Variants in GOLM2 observed in about 807,000 individuals in gnomAD.
GOLM2 encodes protein GOLM2.
A neutral mutation model predicts 55.9 loss-of-function variants in GOLM2; 26 were observed. The ratio of observed to expected loss-of-function variants is 0.47; its 90% CI spans 0.34 to 0.65. The LOEUF (loss-of-function observed/expected upper bound fraction) is 0.65. GOLM2 is among the 30% of genes least tolerant of loss of function. The pLI is 0.01. For synonymous variants in GOLM2, 165 were observed against 194.6 expected, an observed-to-expected ratio of 0.85 and a Z score of 1.27; for missense variants, 486 against 531.8, an observed-to-expected ratio of 0.91 and a Z score of 0.85.
chr15:44,290,143 A>C (rs1252478032), intron 1 of GOLM2, among the ~76,000 whole-genome samples: 1 of 152,244 alleles, frequency 6.6e-6, no homozygotes, highest in Non-Finnish European at 1.5e-5. Flanking sequence ...GGAAAACTAT[A>C]CAAAGTTTTA....
At chr15:44,352,668 T>G (rs1368883440) in intron 6 of GOLM2, among the ~76,000 whole-genome samples, 1 of 151,790 alleles carries the variant, frequency 6.6e-6, no homozygotes, top group African/African-American at 2.4e-5. Context: ...TCCTAGTACT[T>G]TGGGAGGCCG....
chr15:44,397,255 C>G (rs1019470221), intron 8 of GOLM2, among the ~76,000 whole-genome samples: 1 of 151,712 alleles, frequency 6.6e-6, no homozygotes, highest in African/African-American at 2.4e-5. Flanking sequence ...CGAGGCAGGC[C>G]GATCACGAGG....
chr15:44,402,082 G>C, intron 8 of GOLM2, among the ~76,000 whole-genome samples: 1 of 151,772 alleles, frequency 6.6e-6, no homozygotes, highest in South Asian at 2.1e-4. Context: ...TGCCCACCTC[G>C]GCCTCCCAAA....
chr15:44,362,044 C>T lies in GOLM2; in HGVS notation c.803-17646C>T, dbSNP rs540779289. Among the ~76,000 whole-genome samples the T allele has an allele frequency of 2.2e-4, 34 of 152,208 alleles. No homozygotes were observed. The South Asian group carries it at 7.1e-3, about 32-fold the overall frequency. Reference sequence around the variant, plus strand: ...AATTAGGTATTGATGGAACATATCTCAAAATAATAAGAGCTATCTATGACA... The same window carrying T: ...AATTAGGTATTGATGGAACATATCTTAAAATAATAAGAGCTATCTATGACA... On this transcript the variant is annotated intron_variant, in intron 6 of 9. Coordinates refer to ENST00000299957, the MANE Select transcript of GOLM2 (RefSeq NM_138423.4).
chr15:44,329,652 C>G (rs537974340), intron 3 of GOLM2, among the ~76,000 whole-genome samples: 6 of 152,194 alleles, frequency 3.9e-5, no homozygotes, highest in Non-Finnish European at 8.8e-5. Context: ...AATCCTAACA[C>G]TTTGGGAGGC....
At chr15:44,373,754 G>GA (rs1166431256) in intron 6 of GOLM2, among the ~76,000 whole-genome samples, 2 of 152,068 alleles carry the variant, frequency 1.3e-5, no homozygotes, top group South Asian at 2.1e-4. Context: ...ACTCCATCTT[G>GA]AAAAAACAAA....
intron 6 of GOLM2, among the ~76,000 whole-genome samples, chr15:44,364,877 A>G (rs917368111): frequency 5.9e-5 from 9 of 152,168 alleles, no homozygotes; most frequent in African/African-American, 1.9e-4. Flanking sequence ...GTTCCAGCAC[A>G]CTGAAAACAC....
chr15:44,328,288 TG>T (rs2078998276), intron 2 of GOLM2, among the ~76,000 whole-genome samples: 1 of 152,184 alleles, frequency 6.6e-6, no homozygotes, highest in African/African-American at 2.4e-5. Flanking sequence ...GAGACCAGCC[TG>T]GGCAACATGG....
intron 6 of GOLM2, among the ~76,000 whole-genome samples, chr15:44,354,371 G>A (rs1478397064): frequency 1.3e-5 from 2 of 151,522 alleles, no homozygotes; most frequent in African/African-American, 4.9e-5. Flanking sequence ...AATGGGTGCA[G>A]CACACCAACA....
At chr15:44,331,398 T>G (rs2079021411) in intron 3 of GOLM2, among the ~76,000 whole-genome samples, 2 of 152,226 alleles carry the variant, frequency 1.3e-5, no homozygotes, top group African/African-American at 4.8e-5. Flanking sequence ...TCTTTTTGCA[T>G]GATTGGTGTA....
chr15:44,352,489 C>T (rs1020023329), intron 6 of GOLM2, among the ~76,000 whole-genome samples: 1 of 152,216 alleles, frequency 6.6e-6, no homozygotes, highest in Admixed American at 6.5e-5. Flanking sequence ...TGGGGAAACT[C>T]CCTGGGACAT....
At chr15:44,364,087 A>G (rs1235165181) in intron 6 of GOLM2, among the ~76,000 whole-genome samples, 1 of 152,104 alleles carries the variant, frequency 6.6e-6, no homozygotes, top group Non-Finnish European at 1.5e-5. Flanking sequence ...AGATATACCT[A>G]ATGCTAGTTG....
intron 6 of GOLM2, among the ~76,000 whole-genome samples, chr15:44,346,464 T>G (rs947992143): frequency 2.8e-4 from 43 of 152,336 alleles, no homozygotes; most frequent in African/African-American, 1.0e-3. Flanking sequence ...AGACAGATTC[T>G]CTAGATCTAT....
intron 6 of GOLM2, among the ~76,000 whole-genome samples, chr15:44,378,306 C>T (rs1438703933): frequency 4.0e-5 from 6 of 150,632 alleles, no homozygotes; most frequent in East Asian, 3.9e-4. Context: ...CCGCCCGCCT[C>T]GGCTGCCCAA....
intron 2 of GOLM2, among the ~76,000 whole-genome samples, chr15:44,325,015 T>C (rs2078972207): frequency 6.6e-6 from 1 of 152,138 alleles, no homozygotes; most frequent in South Asian, 2.1e-4. Flanking sequence ...AAAAGTAAAA[T>C]TGATTTTTTT....
intron 8 of GOLM2, among the ~76,000 whole-genome samples, chr15:44,384,825 C>G (rs910411515): frequency 6.6e-6 from 1 of 151,260 alleles, no homozygotes; most frequent in Non-Finnish European, 1.5e-5. Flanking sequence ...AGGAGAATCA[C>G]TTGAACCAGG....
At chr15:44,351,014 C>A (rs998756771) in intron 6 of GOLM2, among the ~76,000 whole-genome samples, 2 of 152,090 alleles carry the variant, frequency 1.3e-5, no homozygotes, top group African/African-American at 4.8e-5. Flanking sequence ...AGACCCACAG[C>A]TAGTATCATA....
At chr15:44,315,597 C>G (rs2078903967) in intron 1 of GOLM2, among the ~76,000 whole-genome samples, 2 of 151,998 alleles carry the variant, frequency 1.3e-5, no homozygotes, top group Non-Finnish European at 2.9e-5. Context: ...ACAAGAAGTA[C>G]TATAGGGAAG....
At chr15:44,332,416 G>GCTTGGTGGT (rs1362202221) in intron 4 of GOLM2, among the ~76,000 whole-genome samples, 3 of 152,040 alleles carry the variant, frequency 2.0e-5, no homozygotes, top group Non-Finnish European at 4.4e-5. Context: ...ATATAGCCAG[G>GCTTGGTGGT]CTTGGTGGTG....
Sources: gnomAD v4.1 joint callset for allele counts (sites outside exome capture counted in the v4.1 genomes callset) on GRCh38, gnomAD v4.1.1 for gene constraint, MANE v1.5 for transcripts, NCBI Gene and HGNC (gene_info 2026-07-23, HGNC 2026-07-21) for gene names.